The following TRAPPC9 variants were observed in gnomAD, a reference collection of about 807,000 sequenced individuals.
The protein encoded by TRAPPC9 is trafficking protein particle complex subunit 9.
In TRAPPC9, 83 loss-of-function variants were observed where a neutral mutation model predicts 124.0. The observed-to-expected ratio is 0.67, with a 90% CI of 0.56 to 0.80. The LOEUF (loss-of-function observed/expected upper bound fraction) is 0.80. Ranked by LOEUF, TRAPPC9 falls within the 30% of genes least tolerant of loss-of-function variation. TRAPPC9 has a pLI of 0.00. For missense variants in TRAPPC9, 1,302 were observed against 1,508.3 expected (o/e 0.86, Z 2.27); for synonymous variants, 638 against 617.5 (o/e 1.03, Z -0.49).
rs750444285 is a variant in TRAPPC9 at position 140,405,670 on chromosome 8, A to G, written c.915T>C (p.Pro305=). The G allele has an allele frequency of 6.2e-7, 1 of 1,614,220 alleles. No homozygotes were observed. The highest frequency in any genetic ancestry group is 1.1e-5 in the South Asian group (1 of 91,088). Residue 305 remains proline, a synonymous_variant, in exon 6 of 23, where the codon CCT becomes CCC. Transcript: ENST00000438773. ...PGALTTNGIN[P]DTSTEIGRAK... ...CACGTCCGATCTCAGTACTGGTGTC[A>G]GGGTTGATGCCATTGGTGGTGAGGG...
At chr8:139,754,660 T>C (rs1819575906) in intron 21 of TRAPPC9, among the ~76,000 whole-genome samples, 1 of 152,194 alleles carries the variant, frequency 6.6e-6, no homozygotes, top group Non-Finnish European at 1.5e-5. Context: ...CCCAGCTTCT[T>C]TCTCTGTCCA....
intron 21 of TRAPPC9, among the ~76,000 whole-genome samples, chr8:139,755,592 G>T (rs13281621): frequency 7.6e-5 from 7 of 92,572 alleles, no homozygotes; most frequent in Admixed American, 9.9e-5. Context: ...AAGGACAGCA[G>T]GTCGCAGGAG....
chr8:140,308,741 C>T (rs1398657266), intron 10 of TRAPPC9, among the ~76,000 whole-genome samples: 4 of 151,946 alleles, frequency 2.6e-5, no homozygotes, highest in African/African-American at 7.3e-5. Flanking sequence ...ATTAGCCGGT[C>T]GTGGTGCCAT....
At chr8:140,219,220 T>C (rs1252210954) in intron 17 of TRAPPC9, among the ~76,000 whole-genome samples, 3 of 152,144 alleles carry the variant, frequency 2.0e-5, no homozygotes, top group Non-Finnish European at 2.9e-5. Context: ...CAAAAAAGCC[T>C]GCAGCACACT....
At chr8:140,163,318 T>C (rs1163173563) in intron 17 of TRAPPC9, among the ~76,000 whole-genome samples, 3 of 152,286 alleles carry the variant, frequency 2.0e-5, no homozygotes, top group South Asian at 2.1e-4. Flanking sequence ...TGCCTTGAAG[T>C]GAGGGACTAG....
chr8:140,061,013 G>A (rs993843820), intron 17 of TRAPPC9, among the ~76,000 whole-genome samples: 2 of 152,210 alleles, frequency 1.3e-5, no homozygotes, highest in Admixed American at 6.5e-5. Context: ...TCACAGTCTG[G>A]AGAGACTGTA....
At position 139,961,131 on chromosome 8, in the gene TRAPPC9, G is replaced by A. The variant is rs1038364288; in HGVS notation, c.2810+27595C>T. 2.6e-3 allele frequency among the ~76,000 whole-genome samples: 331 copies of A among 125,042 alleles called. 34 individuals carry two copies. The highest frequency in any genetic ancestry group is 7.8e-3 in the African/African-American group (306 of 39,462). The allele number at this position is 125,042 out of a possible 152,430, so 82.0% of individuals were successfully genotyped here. A position where few individuals can be genotyped will look rare whatever the true frequency, so the allele number is the denominator to read the frequency against. On this transcript the variant is annotated intron_variant, in intron 19 of 22. Coordinates refer to ENST00000438773, the MANE Select transcript of TRAPPC9 (RefSeq NM_001160372.4). ...TATATGCTGAAGAGGAGGACAGCAG[G>A]AAACCCACATGTGTCCTCGGACAAA...
Position 140,023,911 on chromosome 8 carries a change from C to T in TRAPPC9, c.2699+26G>A, listed in dbSNP as rs367903215. Reference sequence around the variant, plus strand: ...GTGCTGTTGAGACTCTAGAACAAGACGGCTGTGCGGCAGGAAGACATTTAC... The same window carrying T: ...GTGCTGTTGAGACTCTAGAACAAGATGGCTGTGCGGCAGGAAGACATTTAC... On this transcript the variant is annotated intron_variant, in intron 18 of 22. Coordinates refer to ENST00000438773, the MANE Select transcript of TRAPPC9 (RefSeq NM_001160372.4). 4.3e-5 allele frequency: 70 copies of T among 1,613,820 alleles called. 1 individual carries two copies. The highest frequency in any genetic ancestry group is 1.6e-4 in the South Asian group (15 of 91,068).
chr8:139,817,107 G>T (rs142743509), intron 21 of TRAPPC9, among the ~76,000 whole-genome samples: 1 of 121,634 alleles, frequency 8.2e-6, no homozygotes, highest in African/African-American at 3.5e-5. Flanking sequence ...GCACCCCCAG[G>T]GTGCTGCAGG....
At chr8:139,864,143 C>G (rs1188908436) in intron 21 of TRAPPC9, among the ~76,000 whole-genome samples, 1 of 152,214 alleles carries the variant, frequency 6.6e-6, no homozygotes, top group Non-Finnish European at 1.5e-5. Context: ...GCGCCCAGGA[C>G]TCTTTCCTGT....
intron 17 of TRAPPC9, among the ~76,000 whole-genome samples, chr8:140,158,649 C>T (rs1390255033): frequency 2.0e-5 from 3 of 152,182 alleles, no homozygotes; most frequent in Non-Finnish European, 4.4e-5. Flanking sequence ...TATGTTACTT[C>T]TAAAGTAAAC....
At chr8:140,393,384 T>C (rs1273834327) in intron 7 of TRAPPC9, among the ~76,000 whole-genome samples, 3 of 152,196 alleles carry the variant, frequency 2.0e-5, no homozygotes, top group South Asian at 2.1e-4. Context: ...ACTATTTGCT[T>C]GTAAAAATCC....
chr8:140,420,990 G>T (rs868605271), intron 5 of TRAPPC9, among the ~76,000 whole-genome samples: 2 of 152,116 alleles, frequency 1.3e-5, no homozygotes, highest in African/African-American at 4.8e-5. Context: ...AATTCCTAGC[G>T]TTTTGGGAGG....
At chr8:140,277,006 T>G (rs1229695340) in intron 14 of TRAPPC9, among the ~76,000 whole-genome samples, 4 of 152,130 alleles carry the variant, frequency 2.6e-5, no homozygotes, top group African/African-American at 9.7e-5. Flanking sequence ...CCAGACACTC[T>G]CCAGCAGTCT....
chr8:139,862,940 T>G (rs1375425215), intron 21 of TRAPPC9, among the ~76,000 whole-genome samples: 2 of 152,160 alleles, frequency 1.3e-5, no homozygotes, highest in African/African-American at 4.8e-5. Flanking sequence ...TGGGAGCCTC[T>G]CTAAATCTCC....
intron 17 of TRAPPC9, among the ~76,000 whole-genome samples, chr8:140,210,266 A>G (rs576848981): frequency 6.6e-6 from 1 of 152,326 alleles, no homozygotes; most frequent in Admixed American, 6.5e-5. Context: ...CAGCAGGGCC[A>G]CGCCGCTGTC....
intron 21 of TRAPPC9, among the ~76,000 whole-genome samples, chr8:139,745,432 C>A (rs1818824130): frequency 6.6e-6 from 1 of 152,356 alleles, no homozygotes; most frequent in Admixed American, 6.5e-5. Flanking sequence ...GGCTCCCACA[C>A]CCAGGAGAGC....
chr8:139,790,446 A>T (rs1473675059), intron 21 of TRAPPC9, among the ~76,000 whole-genome samples: 3 of 152,168 alleles, frequency 2.0e-5, no homozygotes, highest in African/African-American at 7.2e-5. Context: ...CGGAGACCAC[A>T]GCCGGTGCTC....
chr8:140,427,365 T>A (rs1233485832), intron 4 of TRAPPC9, among the ~76,000 whole-genome samples: 1 of 147,660 alleles, frequency 6.8e-6, no homozygotes, highest in Admixed American at 7.0e-5. Flanking sequence ...TCTCTCTATA[T>A]ATATATCTCT....
Sources: allele counts gnomAD v4.1 joint callset (sites outside exome capture counted in the v4.1 genomes callset), GRCh38; gene constraint gnomAD v4.1.1; transcripts MANE v1.5; gene names NCBI Gene and HGNC (gene_info 2026-07-23, HGNC 2026-07-21).